The following PWP1 variants were observed in gnomAD, a reference collection of about 807,000 sequenced individuals.
PWP1 encodes the protein PWP1 homolog, endonuclein.
Under a neutral mutation model 69.9 loss-of-function variants are expected in PWP1, and 47 were observed. The ratio of observed to expected loss-of-function variants is 0.67; its 90% confidence interval spans 0.53 to 0.86. PWP1 has a LOEUF of 0.86. PWP1 is among the 40% of genes least tolerant of loss of function. The pLI, the probability that PWP1 is intolerant of heterozygous loss-of-function variation, is 0.00. For missense variants in PWP1, 551 were observed against 608.8 expected (o/e 0.91, Z 1.00); for synonymous variants, 222 against 208.2 (o/e 1.07, Z -0.57).
chr12:107,688,816 C>T lies in PWP1; in HGVS notation c.319+14C>T, dbSNP rs775184257. On this transcript the variant is annotated intron_variant, in intron 3 of 14. Coordinates refer to ENST00000412830, the MANE Select transcript of PWP1 (RefSeq NM_007062.3). ...AAGGTGACCCAGGTTAGTTTATCCA[C>T]TTCTGATGGTTTGTAATTACAAGCT... is the stretch of plus-strand genomic sequence containing the variant. The T allele has an allele frequency of 1.9e-6, 3 of 1,608,310 alleles. No individual in the cohort carries two copies. In the South Asian group the frequency reaches 3.3e-5, roughly 18 times the overall value.
chr12:107,695,629 A>G (rs1167991534), intron 5 of PWP1, among the ~76,000 whole-genome samples: 1 of 152,212 alleles, frequency 6.6e-6, no homozygotes, highest in Non-Finnish European at 1.5e-5. Context: ...TGTGAATATT[A>G]AGGAGCTGTT....
intron 11 of PWP1, among the ~76,000 whole-genome samples, chr12:107,707,498 G>A (rs1029420362): frequency 6.6e-6 from 1 of 152,282 alleles, no homozygotes; most frequent in East Asian, 1.9e-4. Flanking sequence ...AGTGCTTCCA[G>A]TTTTTGCCCA....
At chr12:107,693,199 A>C (rs914899149) in intron 5 of PWP1, 103 bp downstream of exon 5, 347 of 1,440,922 alleles carry the variant, frequency 2.4e-4, no homozygotes, top group Non-Finnish European at 2.9e-4. Flanking sequence ...ATTGTATCTC[A>C]TTTAAGTTGG....
chr12:107,708,834 CAT>C, intron 11 of PWP1, 90 bp from the exon 12 acceptor site: 1 of 1,146,392 alleles, frequency 8.7e-7, no homozygotes, highest in East Asian at 2.4e-5. Flanking sequence ...ACCAGTAAGT[CAT>C]ATAGCTGATT....
Position 107,708,806 on chromosome 12 carries a change from T to G in PWP1, c.1078-120T>G, listed in dbSNP as rs1158592111. ...AAAAGTAAATGATTTCTGTCCATGT[T>G]AATTTTTCATAAGTTCCACCAGTAA... On this transcript the variant is annotated intron_variant, in intron 11 of 14. Coordinates refer to ENST00000412830, the MANE Select transcript of PWP1 (RefSeq NM_007062.3). 13 of 905,300 alleles carry G rather than the reference T, an allele frequency of 1.4e-5. 1 individual carries two copies. In the South Asian group the frequency reaches 1.8e-4, roughly 12 times the overall value. The allele number at this position is 905,300 out of a possible 1,614,324, so 56.1% of individuals were successfully genotyped here.
Position 107,693,134 on chromosome 12 carries a change from G to A in PWP1, c.502+38G>A, listed in dbSNP as rs374029100. The A allele has an allele frequency of 1.5e-5, 24 of 1,568,858 alleles. No homozygotes were observed. The African/African-American group carries it at 2.9e-4, about 19-fold the overall frequency. ...TCCCTTATTAAAAGATTTTCTAAGTGATGGTAAAATAATAAGTGAAATAGT... is the reference window on the plus strand; with the variant it reads ...TCCCTTATTAAAAGATTTTCTAAGTAATGGTAAAATAATAAGTGAAATAGT... On this transcript the variant is annotated intron_variant, in intron 5 of 14. Coordinates refer to ENST00000412830, the MANE Select transcript of PWP1 (RefSeq NM_007062.3).
intron 13 of PWP1, 151 bp downstream of exon 13, chr12:107,709,383 G>C (rs1889897064): frequency 9.4e-7 from 1 of 1,062,340 alleles, no homozygotes; most frequent in South Asian, 1.7e-5. Flanking sequence ...AGTCAAATTT[G>C]GTGGGATTTT....
chr12:107,690,651 CAG>C (rs1889462103), intron 3 of PWP1, among the ~76,000 whole-genome samples: 1 of 152,096 alleles, frequency 6.6e-6, no homozygotes, highest in African/African-American at 2.4e-5. Context: ...TTAGTAGAGA[CAG>C]GGTTTCACCA....
chr12:107,701,600 T>G (rs1017091127), intron 8 of PWP1, among the ~76,000 whole-genome samples: 8 of 151,864 alleles, frequency 5.3e-5, no homozygotes, highest in East Asian at 1.9e-4. Context: ...CCATTTTGAG[T>G]TTTTTTTGTG....
intron 1 of PWP1, among the ~76,000 whole-genome samples, chr12:107,686,502 A>T (rs77583795): frequency 0.15 from 22,312 of 152,184 alleles, 1,918 homozygotes; most frequent in Admixed American, 0.19. Flanking sequence ...TGAGATGTTG[A>T]TGGTAGCAGG....
intron 11 of PWP1, among the ~76,000 whole-genome samples, chr12:107,708,519 C>T (rs577358026): frequency 6.6e-5 from 10 of 152,142 alleles, no homozygotes; most frequent in African/African-American, 2.2e-4. Flanking sequence ...CCACACTGGT[C>T]GATTTGACTG....
intron 8 of PWP1, among the ~76,000 whole-genome samples, chr12:107,699,707 G>A (rs1196703273): frequency 2.0e-5 from 3 of 152,208 alleles, no homozygotes; most frequent in African/African-American, 7.2e-5. Context: ...GTTTGGCAGT[G>A]CCCATGGTGC....
chr12:107,688,621 A>C lies in PWP1; in HGVS notation c.138A>C (p.Glu46Asp). Residue 46 changes from glutamate (E) to aspartate (D), a missense_variant, in exon 3 of 15, where the codon GAA becomes GAC. Transcript: ENST00000412830. ...IAEAKEKLQE[E>D]GGGSDEEETG... Reference sequence around the variant, plus strand: ...TTTCTTTCTGTGCTCATAGAGAAGAAGGTGGTGGCAGTGATGAAGAGGAGA... The same window carrying C: ...TTTCTTTCTGTGCTCATAGAGAAGACGGTGGTGGCAGTGATGAAGAGGAGA... 6.2e-7 allele frequency: 1 copy of C among 1,613,700 alleles called. No homozygotes were observed. The highest frequency in any genetic ancestry group is 8.5e-7 in the Non-Finnish European group (1 of 1,179,652).
intron 11 of PWP1, 89 bp downstream of exon 11, chr12:107,704,836 T>C: frequency 8.7e-7 from 1 of 1,155,908 alleles, no homozygotes; most frequent in Non-Finnish European, 1.3e-6. Context: ...GAAAAGCTTT[T>C]TCTGTTTTAA....
rs142592988 is a variant in PWP1 at position 107,708,927 on chromosome 12, C to T, written c.1079C>T (p.Ala360Val). The change falls in exon 12 of 15, where the codon GCC becomes GTC. Residue 360 changes from alanine (A) to valine (V), a missense_variant and splice_region_variant. Ala to Val is a moderately conservative substitution (Grantham distance 64). Coordinates refer to ENST00000412830, the MANE Select transcript of PWP1 (RefSeq NM_007062.3). ...TTGCCCATCTTTTACTCTTTCTAGG[C>T]CAGTACAGATGACGGCTTTGTATAT... ...WNHFSPCHFL[A>V]STDDGFVYNL... 397 of 1,612,586 alleles carry T rather than the reference C, an allele frequency of 2.5e-4. No individual in the cohort carries two copies. The highest frequency in any genetic ancestry group is 7.8e-4 in the Admixed American group (47 of 59,894).
At chr12:107,686,152 A>C in intron 1 of PWP1, 181 bp downstream of exon 1, 2 of 661,516 alleles carry the variant, frequency 3.0e-6, no homozygotes, top group Non-Finnish European at 5.2e-6. Flanking sequence ...GGTTCGCCTG[A>C]GCCTGGAGAG....
rs397700499 is a variant in PWP1, at chr12:107,696,029, C to CTTTT, written c.503-427_503-424dup. On this transcript the variant is annotated intron_variant, in intron 5 of 14. Coordinates refer to ENST00000412830, the MANE Select transcript of PWP1 (RefSeq NM_007062.3). ...TTTTGCCTAGTCATGATATTGGAAT[C>CTTTT]TTTTTTTTTTTTTTTTTTTTTGAGA... 5.7e-3 allele frequency among the ~76,000 whole-genome samples: 594 copies of CTTTT among 103,546 alleles called. 7 individuals carry two copies. The highest frequency in any genetic ancestry group is 7.9e-3 in the Non-Finnish European group (433 of 54,552). The allele number at this position is 103,546 out of a possible 152,430, so 67.9% of individuals were successfully genotyped here.
chr12:107,696,378 C>G, intron 5 of PWP1, 96 bp from the exon 6 acceptor site: 1 of 1,494,836 alleles, frequency 6.7e-7, no homozygotes. Flanking sequence ...AAGCACATGG[C>G]TCACGTACAT....
Position 107,708,989 on chromosome 12 carries a change from C to G in PWP1, c.1141C>G (p.Leu381Val), listed in dbSNP as rs771159175. 6.2e-7 allele frequency: 1 copy of G among 1,613,876 alleles called. No homozygotes were observed. The highest frequency in any genetic ancestry group is 1.7e-5 in the Admixed American group (1 of 59,942). ...ACGTTCAGATAAGCCAATTTTTACA[C>G]TTAATGCACACAATGATGAAATCTC... ...DARSDKPIFT[L>V]NAHNDEISGL... The change falls in exon 12 of 15, where the codon CTT becomes GTT. Residue 381 changes from leucine to valine, a missense_variant. Transcript: ENST00000412830.
Sources: gnomAD v4.1 joint callset for allele counts (sites outside exome capture counted in the v4.1 genomes callset) on GRCh38, gnomAD v4.1.1 for gene constraint, MANE v1.5 for transcripts, NCBI Gene and HGNC (gene_info 2026-07-23, HGNC 2026-07-21) for gene names.